The following CELF2 variants were observed in gnomAD, a reference collection of about 807,000 sequenced individuals.
CELF2 encodes the protein CUG triplet repeat RNA-binding protein 2.
CELF2 carries 8 observed loss-of-function variants against 62.6 expected under a neutral mutation model. The observed-to-expected ratio is 0.13, with a 90% CI of 0.07 to 0.23. CELF2 has a LOEUF of 0.23. CELF2 is among the 10% of genes least tolerant of loss of function. The probability of loss-of-function intolerance (pLI) is 1.00; values close to 1 mark genes in which losing one functional copy is unlikely to be tolerated. For missense variants in CELF2, 333 were observed against 671.0 expected (o/e 0.50, Z 5.56); for synonymous variants, 258 against 250.0 (o/e 1.03, Z -0.30).
intron 1 of CELF2, among the ~76,000 whole-genome samples, chr10:11,160,525 C>G (rs1280418460): frequency 6.6e-6 from 1 of 151,328 alleles, no homozygotes; most frequent in Non-Finnish European, 1.5e-5. Flanking sequence ...AATAAAAATT[C>G]AATTCCTTAG....
chr10:10,899,528 C>A (rs1211432320), intron 1 of CELF2, among the ~76,000 whole-genome samples: 3 of 152,262 alleles, frequency 2.0e-5, no homozygotes, highest in African/African-American at 7.2e-5. Flanking sequence ...TTGAGGGCCA[C>A]AAATTGTCTA....
chr10:10,500,710 G>A, the CELF2 span, among the ~76,000 whole-genome samples: 1 of 152,142 alleles, frequency 6.6e-6, no homozygotes, highest in Non-Finnish European at 1.5e-5. Flanking sequence ...CAACCGGGAT[G>A]CTGACATTGA....
the CELF2 span, among the ~76,000 whole-genome samples, chr10:10,672,592 A>G: frequency 5.3e-5 from 8 of 151,966 alleles, no homozygotes; most frequent in African/African-American, 1.9e-4. Flanking sequence ...CCATTGTCAA[A>G]AATCAGTTGC....
At position 10,995,884 on chromosome 10, in the gene CELF2, T is replaced by C. The variant is rs1350256946; in HGVS notation, c.89+75885T>C. Among the ~76,000 whole-genome samples the C allele has an allele frequency of 1.3e-5, 2 of 152,202 alleles. No homozygotes were observed. Among genetic ancestry groups the C allele is most frequent in the Non-Finnish European group, 2.9e-5 (2 of 68,032 alleles). On this transcript the variant is annotated intron_variant, in intron 2 of 13. Transcript: ENST00000636488. The surrounding 1 kb of genome is among the most constrained non-coding windows in gnomAD (Gnocchi z 4.7). Reference sequence around the variant, plus strand: ...GGGCATTCTAGTTTCTATATATTTATGTTCATCAAATTATGCATTGGTTCT... The same window carrying C: ...GGGCATTCTAGTTTCTATATATTTACGTTCATCAAATTATGCATTGGTTCT...
chr10:10,553,853 G>A, the CELF2 span, among the ~76,000 whole-genome samples: 1 of 152,172 alleles, frequency 6.6e-6, no homozygotes, highest in Non-Finnish European at 1.5e-5. Flanking sequence ...AATGGTCAGG[G>A]TGGGTCAGAC....
intron 1 of CELF2, among the ~76,000 whole-genome samples, chr10:10,800,540 A>G (rs2054557981): frequency 6.6e-6 from 1 of 152,162 alleles, no homozygotes; most frequent in Non-Finnish European, 1.5e-5. Context: ...TTTAGTAGAG[A>G]CAGAGTTTCA....
chr10:11,274,736 G>C (rs562150604), intron 7 of CELF2, among the ~76,000 whole-genome samples: 2 of 152,144 alleles, frequency 1.3e-5, no homozygotes, highest in African/African-American at 4.8e-5. Flanking sequence ...GATGAGTTAC[G>C]GTAACTGCTA....
Position 11,330,581 on chromosome 10 carries a change from CTGACCTTTGATCTAGTT to C in CELF2, c.*1539_*1555del, listed in dbSNP as rs59454996. 55 of 152,740 alleles carry C rather than the reference CTGACCTTTGATCTAGTT, an allele frequency of 3.6e-4. No individual in the cohort carries two copies. The East Asian group carries it at 0.01, about 28-fold the overall frequency. The allele number at this position is 152,740 out of a possible 1,614,324, so 9.5% of individuals were successfully genotyped here. A position where few individuals can be genotyped will look rare whatever the true frequency, so the allele number is the denominator to read the frequency against. ...CCTCACATCATATTTGGTTCTCCTA[CTGACCTTTGATCTAGTT>C]TGACCTTTGAAATTTGCATGTGACC... On this transcript the variant is annotated 3_prime_UTR_variant, in exon 13 of 13. Transcript: ENST00000633077. The surrounding 1 kb of genome is among the most constrained non-coding windows in gnomAD (Gnocchi z 4.5).
chr10:10,563,117 G>A, the CELF2 span, among the ~76,000 whole-genome samples: 254 of 152,220 alleles, frequency 1.7e-3, no homozygotes, highest in Middle Eastern at 0.01. Context: ...CTGGAGGAGA[G>A]GGAAGAGTCA....
chr10:10,723,513 A>C, the CELF2 span, among the ~76,000 whole-genome samples: 2 of 152,244 alleles, frequency 1.3e-5, no homozygotes, highest in African/African-American at 4.8e-5. Flanking sequence ...CAGAAATTCC[A>C]AATGTTTTAC....
chr10:10,825,711 G>A (rs2057337801), intron 1 of CELF2, among the ~76,000 whole-genome samples: 1 of 152,166 alleles, frequency 6.6e-6, no homozygotes, highest in Non-Finnish European at 1.5e-5. Context: ...AAGTAATATA[G>A]CAGCAAAGAG....
In CELF2 at chr10:11,227,046, G is replaced by A. The variant is rs2066880755; in HGVS notation, c.354+9539G>A. ...CTTCCGTGTTCCACAGACAGGGGAAGGGCAAGTATGGAGGCTCACCCTGGA... is the reference window on the plus strand; with the variant it reads ...CTTCCGTGTTCCACAGACAGGGGAAAGGCAAGTATGGAGGCTCACCCTGGA... On this transcript the variant is annotated intron_variant, in intron 3 of 12. Transcript: ENST00000633077. The surrounding 1 kb of genome is among the most constrained non-coding windows in gnomAD (Gnocchi z 4.8). Among the ~76,000 whole-genome samples the A allele has an allele frequency of 6.6e-6, 1 of 152,146 alleles. No individual in the cohort carries two copies. Among genetic ancestry groups the A allele is most frequent in the Non-Finnish European group, 1.5e-5 (1 of 68,024 alleles).
the CELF2 span, among the ~76,000 whole-genome samples, chr10:10,686,202 G>GA: frequency 6.6e-6 from 1 of 151,458 alleles, no homozygotes; most frequent in Non-Finnish European, 1.5e-5. Context: ...GATTACCTGG[G>GA]AAAAACGTTT....
intron 1 of CELF2, among the ~76,000 whole-genome samples, chr10:11,130,531 G>A (rs2059458270): frequency 1.3e-5 from 2 of 152,212 alleles, no homozygotes; most frequent in Admixed American, 6.5e-5. Context: ...GATCTGAAGA[G>A]TATTTGTGAT....
chr10:11,200,361 A>T (rs562024469), intron 2 of CELF2, among the ~76,000 whole-genome samples: 2 of 152,366 alleles, frequency 1.3e-5, no homozygotes, highest in African/African-American at 4.8e-5. Flanking sequence ...TTCCTACAGC[A>T]AAGATATGAA....
At chr10:11,052,705 C>A (rs544105601) in intron 1 of CELF2, among the ~76,000 whole-genome samples, 1 of 152,132 alleles carries the variant, frequency 6.6e-6, no homozygotes, top group Non-Finnish European at 1.5e-5. Flanking sequence ...TCCTTTACAA[C>A]GAAAGGTCTT....
At chr10:10,986,825 C>T (rs900160435) in intron 2 of CELF2, among the ~76,000 whole-genome samples, 3 of 152,164 alleles carry the variant, frequency 2.0e-5, no homozygotes, top group Non-Finnish European at 4.4e-5. Context: ...GTCAGCACTA[C>T]AAGGTCACGC....
chr10:11,048,531 C>A (rs973608661), intron 1 of CELF2, among the ~76,000 whole-genome samples: 4 of 152,088 alleles, frequency 2.6e-5, no homozygotes, highest in Non-Finnish European at 5.9e-5. Context: ...CTGTTTTATC[C>A]CACCTCTACT....
At chr10:10,582,364 CCTGT>C in the CELF2 span, among the ~76,000 whole-genome samples, 4 of 152,066 alleles carry the variant, frequency 2.6e-5, no homozygotes, top group African/African-American at 9.7e-5. Flanking sequence ...ATCTCATATT[CCTGT>C]CTACCTGGGA....
Sources: gnomAD v4.1 joint callset for allele counts (sites outside exome capture counted in the v4.1 genomes callset) on GRCh38, gnomAD v4.1.1 for gene constraint, Gnocchi (gnomAD v3.1) non-coding constraint, MANE v1.5 for transcripts, NCBI Gene and HGNC (gene_info 2026-07-23, HGNC 2026-07-21) for gene names.